The following MYO3B variants were observed in gnomAD, a reference collection of about 807,000 sequenced individuals.
MYO3B encodes the protein myosin IIIB.
A neutral mutation model predicts 174.6 loss-of-function variants in MYO3B; 156 were observed. That is an observed-to-expected ratio of 0.89 (90% CI 0.78 to 1.02). The LOEUF is 1.02. MYO3B is among the 50% of genes least tolerant of loss of function. The pLI is 0.00. For synonymous variants in MYO3B, 563 were observed against 569.1 expected (o/e 0.99, Z 0.15); for missense variants, 1,632 against 1,639.4 (o/e 1.00, Z 0.08).
chr2:170,242,489 A>G (rs1213944159), intron 7 of MYO3B, among the ~76,000 whole-genome samples: 3 of 152,170 alleles, frequency 2.0e-5, no homozygotes, highest in African/African-American at 7.2e-5. Context: ...TGTGGAACAC[A>G]TTGCCAAATT....
chr2:170,392,386 T>C lies in MYO3B; in HGVS notation c.1682T>C (p.Ile561Thr), dbSNP rs771537663. The part of the protein sequence containing the change: ...RLPEEKPPRY[I>T]ADETGRVMHD... ...TCATGCTCCACTTCATTTAGGTACA[T>C]AGCTGATGAAACTGGAAGGGTGATG... is the stretch of plus-strand genomic sequence containing the variant. The change falls in exon 16 of 35, where the codon ATA (isoleucine) becomes ACA (threonine). Residue 561 changes from isoleucine to threonine, a missense_variant. Ile to Thr is a moderately conservative substitution (Grantham distance 89, BLOSUM62 -1). Coordinates refer to ENST00000408978, the MANE Select transcript of MYO3B (RefSeq NM_138995.5). The C allele has an allele frequency of 1.9e-6, 3 of 1,597,638 alleles. No homozygotes were observed. Among genetic ancestry groups the C allele is most frequent in the East Asian group, 2.3e-5 (1 of 44,308 alleles).
intron 4 of MYO3B, 81 bp downstream of exon 4, chr2:170,214,564 TG>T: frequency 7.0e-7 from 1 of 1,420,792 alleles, no homozygotes; most frequent in African/African-American, 1.4e-5. Context: ...ATATTAACAA[TG>T]GGGAAACTGC....
chr2:170,324,669 C>T (rs1241612241), intron 7 of MYO3B, among the ~76,000 whole-genome samples: 1 of 152,176 alleles, frequency 6.6e-6, no homozygotes. Flanking sequence ...CTGAATCTAC[C>T]CTTTGCTCTG....
intron 6 of MYO3B, among the ~76,000 whole-genome samples, chr2:170,223,447 T>C (rs1446088751): frequency 6.6e-6 from 1 of 152,242 alleles, no homozygotes; most frequent in African/African-American, 2.4e-5. Flanking sequence ...CACTCGGGCA[T>C]GATTACATTG....
At chr2:170,646,938 G>A (rs749060513) in intron 32 of MYO3B, 7 of 1,353,056 alleles carry the variant, frequency 5.2e-6, no homozygotes, top group East Asian at 9.2e-5. Context: ...TAACTTTTAT[G>A]GGTATATATC....
At chr2:170,506,648 T>C (rs763949629) in intron 28 of MYO3B, among the ~76,000 whole-genome samples, 65 of 152,334 alleles carry the variant, frequency 4.3e-4, no homozygotes, top group South Asian at 1.4e-3. Flanking sequence ...AAGTACTCTG[T>C]ATTTTGCCAA....
intron 7 of MYO3B, among the ~76,000 whole-genome samples, chr2:170,289,146 C>G (rs1241530996): frequency 6.6e-6 from 1 of 152,018 alleles, no homozygotes; most frequent in Non-Finnish European, 1.5e-5. Context: ...ATATGTTCAT[C>G]AGTGATATCA....
chr2:170,483,059 A>T (rs1260234944), intron 25 of MYO3B, among the ~76,000 whole-genome samples: 1 of 152,284 alleles, frequency 6.6e-6, no homozygotes, highest in Non-Finnish European at 1.5e-5. Context: ...TGTAGTTGAT[A>T]GCTCTGTAGA....
At chr2:170,526,423 A>G (rs1361878314) in intron 30 of MYO3B, among the ~76,000 whole-genome samples, 1 of 152,236 alleles carries the variant, frequency 6.6e-6, no homozygotes. Flanking sequence ...ACTTAGCTCT[A>G]GAATTGTAGA....
At chr2:170,409,022 A>G (rs375575651) in intron 22 of MYO3B, among the ~76,000 whole-genome samples, 2 of 152,164 alleles carry the variant, frequency 1.3e-5, no homozygotes, top group African/African-American at 4.8e-5. Flanking sequence ...TAGACTCCTC[A>G]TCAGGCGACT....
chr2:170,280,687 T>C (rs889227134), intron 7 of MYO3B, among the ~76,000 whole-genome samples: 4 of 151,014 alleles, frequency 2.6e-5, no homozygotes, highest in Non-Finnish European at 5.9e-5. Flanking sequence ...TTCAGTCTTC[T>C]GCATTTGGCT....
chr2:170,447,661 C>T (rs1683307566), intron 23 of MYO3B, among the ~76,000 whole-genome samples: 1 of 152,204 alleles, frequency 6.6e-6, no homozygotes, highest in South Asian at 2.1e-4. Flanking sequence ...ATCTTGGCCA[C>T]TGCCTAGACA....
At chr2:170,606,017 C>T (rs1044744386) in intron 32 of MYO3B, among the ~76,000 whole-genome samples, 6 of 152,102 alleles carry the variant, frequency 3.9e-5, no homozygotes, top group Non-Finnish European at 1.5e-5. Flanking sequence ...ATTTCTCTTC[C>T]TCTTCACTGC....
intron 9 of MYO3B, among the ~76,000 whole-genome samples, chr2:170,378,912 AG>A (rs747627372): frequency 2.5e-4 from 38 of 152,320 alleles, no homozygotes; most frequent in Middle Eastern, 3.4e-3. Flanking sequence ...TGGTATTTTG[AG>A]TTCTGACTTC....
intron 32 of MYO3B, among the ~76,000 whole-genome samples, chr2:170,632,756 A>G (rs901024818): frequency 1.3e-5 from 2 of 152,184 alleles, no homozygotes; most frequent in Non-Finnish European, 2.9e-5. Context: ...TAAAGAAGAA[A>G]AGAGAGAAGA....
chr2:170,485,707 T>A (rs1029215745), intron 25 of MYO3B, among the ~76,000 whole-genome samples: 1 of 152,200 alleles, frequency 6.6e-6, no homozygotes, highest in Non-Finnish European at 1.5e-5. Context: ...GTGTGAGGAT[T>A]TCTTTAGGGG....
intron 32 of MYO3B, among the ~76,000 whole-genome samples, chr2:170,572,858 A>T (rs1458361859): frequency 6.6e-6 from 1 of 152,208 alleles, no homozygotes; most frequent in Non-Finnish European, 1.5e-5. Context: ...TTTCTCACTT[A>T]TTCCAGACCA....
chr2:170,390,033 C>T (rs549495240), intron 14 of MYO3B, among the ~76,000 whole-genome samples: 65 of 152,154 alleles, frequency 4.3e-4, no homozygotes, highest in Non-Finnish European at 7.5e-4. Context: ...TAGTGCCTAC[C>T]GTGACTGGCA....
At chr2:170,623,944 G>A (rs1327441021) in intron 32 of MYO3B, among the ~76,000 whole-genome samples, 1 of 152,048 alleles carries the variant, frequency 6.6e-6, no homozygotes, top group Non-Finnish European at 1.5e-5. Flanking sequence ...TTCTGTTTTG[G>A]TACCAGTACC....
Sources: gnomAD v4.1 joint callset for allele counts (sites outside exome capture counted in the v4.1 genomes callset) on GRCh38, gnomAD v4.1.1 for gene constraint, MANE v1.5 for transcripts, NCBI Gene and HGNC (gene_info 2026-07-23, HGNC 2026-07-21) for gene names.